Variants in TNIK observed in about 807,000 individuals in gnomAD.
TNIK encodes TRAF2 and NCK-interacting protein kinase.
A neutral mutation model predicts 191.3 loss-of-function variants in TNIK; 49 were observed. The observed-to-expected ratio is 0.26, with a 90% CI of 0.20 to 0.32. TNIK has a LOEUF of 0.32. TNIK is among the 10% of genes least tolerant of loss of function. The pLI is 1.00. For missense variants in TNIK, 1,155 were observed against 1,702.3 expected (o/e 0.68, Z 5.66); for synonymous variants, 594 against 600.9 (o/e 0.99, Z 0.17).
chr3:171,125,650 G>A (rs1284964750), intron 17 of TNIK, among the ~76,000 whole-genome samples: 3 of 152,154 alleles, frequency 2.0e-5, no homozygotes, highest in African/African-American at 7.2e-5. Flanking sequence ...GGAATACTTG[G>A]TGTTGAGAGT....
chr3:171,111,520 G>C (rs1725855566), intron 18 of TNIK, among the ~76,000 whole-genome samples: 1 of 152,208 alleles, frequency 6.6e-6, no homozygotes, highest in Non-Finnish European at 1.5e-5. Context: ...ATGAGTGTTG[G>C]TGAGGATGCA....
intron 15 of TNIK, among the ~76,000 whole-genome samples, chr3:171,133,089 T>C (rs7373499): frequency 0.13 from 19,251 of 152,228 alleles, 1,786 homozygotes; most frequent in African/African-American, 0.26. Flanking sequence ...AGTTTGAGGA[T>C]GCCCCTGCTC....
rs1717803056 is a variant in TNIK at position 171,061,272 on chromosome 3, C to T, written c.*2609G>A. 1 of 151,872 alleles carries T rather than the reference C, an allele frequency of 6.6e-6. No individual in the cohort carries two copies. The highest frequency in any genetic ancestry group is 6.6e-5 in the Admixed American group (1 of 15,242). 9.4% of individuals were successfully genotyped at this position (151,872 alleles called of 1,614,324 possible). A position where few individuals can be genotyped will look rare whatever the true frequency, so the allele number is the denominator to read the frequency against. ...TAAAGAGCACAGATTTCTGGGGGGCCCATTTAAATTTGGATTTGCCTTGTA... is the reference window on the plus strand; with the variant it reads ...TAAAGAGCACAGATTTCTGGGGGGCTCATTTAAATTTGGATTTGCCTTGTA... On this transcript the variant is annotated 3_prime_UTR_variant, in exon 33 of 33. Transcript: ENST00000436636.
chr3:171,066,951 G>C lies in TNIK; in HGVS notation c.3700-216C>G, dbSNP rs546590321. Among the ~76,000 whole-genome samples, 74 of 152,248 alleles carry C rather than the reference G, an allele frequency of 4.9e-4. 1 individual carries two copies. In the South Asian group the frequency reaches 6.6e-3, roughly 14 times the overall value. On this transcript the variant is annotated intron_variant, in intron 30 of 32. Transcript: ENST00000436636. ...TTCAATTTACCTGTTCCTAAAAAGAGCATGTAAATCTATGGCACACCTACT... is the reference window on the plus strand; with the variant it reads ...TTCAATTTACCTGTTCCTAAAAAGACCATGTAAATCTATGGCACACCTACT...
At chr3:171,428,395 C>T (rs919185383) in intron 1 of TNIK, among the ~76,000 whole-genome samples, 4 of 152,078 alleles carry the variant, frequency 2.6e-5, no homozygotes, top group Non-Finnish European at 5.9e-5. Flanking sequence ...AATGGAGCAG[C>T]TCTGTATTGA....
Position 171,079,533 on chromosome 3 carries a change from T to C in TNIK, c.3433A>G (p.Ile1145Val). The C allele has an allele frequency of 6.2e-7, 1 of 1,613,678 alleles. No homozygotes were observed. Among genetic ancestry groups the C allele is most frequent in the Non-Finnish European group, 8.5e-7 (1 of 1,179,734 alleles). The stretch of plus-strand genomic sequence containing the variant: ...TGAGACTTACCAACTTTATAATGTA[T>C]ACAGCCTTCCAAGTCCCCAACAGTG... ...WITVGDLEGC[I>V]HYKVVKYERI... The change falls in exon 28 of 33, where the codon ATA (isoleucine) becomes GTA (valine). Residue 1145 changes from isoleucine to valine, a missense_variant. Ile to Val is a conservative substitution (Grantham distance 29). Coordinates refer to ENST00000436636, the MANE Select transcript of TNIK (RefSeq NM_015028.4).
intron 7 of TNIK, among the ~76,000 whole-genome samples, chr3:171,183,044 C>T (rs564806473): frequency 6.6e-5 from 10 of 152,282 alleles, no homozygotes; most frequent in Admixed American, 2.0e-4. Context: ...ACAGATAGAC[C>T]CTTAGGACCA....
rs1421393810 is a variant in TNIK at position 171,266,209 on chromosome 3, G to A, written c.124-37988C>T. 9.2e-5 allele frequency among the ~76,000 whole-genome samples: 14 copies of A among 152,312 alleles called. No individual in the cohort carries two copies. The East Asian group carries it at 2.7e-3, about 29-fold the overall frequency. ...CACAGTTGAGATCATTGTTGACAAA[G>A]GACTGTGGACTTGAGTTTTAGAAAA... On this transcript the variant is annotated intron_variant, in intron 2 of 32. Coordinates refer to ENST00000436636, the MANE Select transcript of TNIK (RefSeq NM_015028.4).
At chr3:171,230,006 G>A (rs1743422146) in intron 2 of TNIK, among the ~76,000 whole-genome samples, 1 of 152,138 alleles carries the variant, frequency 6.6e-6, no homozygotes, top group Admixed American at 6.5e-5. Context: ...ACAAAACGTG[G>A]GGAGACTGGG....
chr3:171,137,870 C>T (rs1350433681), intron 15 of TNIK, among the ~76,000 whole-genome samples: 1 of 151,764 alleles, frequency 6.6e-6, no homozygotes, highest in Non-Finnish European at 1.5e-5. Flanking sequence ...CACTAAAAAT[C>T]CTCCATGCCA....
intron 4 of TNIK, among the ~76,000 whole-genome samples, chr3:171,210,782 T>C (rs1740707137): frequency 6.9e-6 from 1 of 145,546 alleles, no homozygotes; most frequent in African/African-American, 2.6e-5. Flanking sequence ...GCAAAATAAA[T>C]GATACAATTC....
intron 4 of TNIK, among the ~76,000 whole-genome samples, chr3:171,206,609 G>A (rs931580610): frequency 3.9e-5 from 6 of 152,104 alleles, no homozygotes; most frequent in African/African-American, 1.2e-4. Flanking sequence ...ACTTCCAGGG[G>A]GCTTTCACAG....
intron 2 of TNIK, among the ~76,000 whole-genome samples, chr3:171,325,363 C>T (rs1350484938): frequency 6.6e-6 from 1 of 152,020 alleles, no homozygotes; most frequent in Non-Finnish European, 1.5e-5. Context: ...ATCTGAGTAG[C>T]CTCCAAATAT....
chr3:171,431,697 A>G (rs1725413453), intron 1 of TNIK, among the ~76,000 whole-genome samples: 2 of 152,168 alleles, frequency 1.3e-5, no homozygotes, highest in Admixed American at 1.3e-4. Context: ...CAACAACCCT[A>G]TGAAATTGGT....
chr3:171,171,509 G>A (rs899914250), intron 9 of TNIK, among the ~76,000 whole-genome samples: 3 of 152,196 alleles, frequency 2.0e-5, no homozygotes, highest in Non-Finnish European at 2.9e-5. Context: ...AAGCATGAGT[G>A]GCTTGGACCA....
intron 2 of TNIK, among the ~76,000 whole-genome samples, chr3:171,338,884 G>A (rs1457621575): frequency 1.3e-5 from 2 of 152,106 alleles, no homozygotes; most frequent in Admixed American, 1.3e-4. Context: ...ATTTACAGGT[G>A]AGGAAACTGA....
chr3:171,069,100 G>A, intron 29 of TNIK, 103 bp from the exon 30 acceptor site: 1 of 1,384,122 alleles, frequency 7.2e-7, no homozygotes, highest in South Asian at 1.6e-5. Flanking sequence ...CTTTATTAAA[G>A]TGAAAAACTA....
At chr3:171,459,690 A>ACACACACACACG (rs1560100973) in intron 1 of TNIK, among the ~76,000 whole-genome samples, 5 of 151,780 alleles carry the variant, frequency 3.3e-5, no homozygotes, top group South Asian at 2.1e-4. Context: ...ACACACACAC[A>ACACACACACACG]CACACACACA....
rs117862901 is a variant in TNIK at position 171,146,531 on chromosome 3, G to A, written c.1222-6022C>T. ...CTTGGGGAAAGAATAAAATGGTTTGGAAACAGACTAGATTCTGGTCCTGCA... is the reference window on the plus strand; with the variant it reads ...CTTGGGGAAAGAATAAAATGGTTTGAAAACAGACTAGATTCTGGTCCTGCA... On this transcript the variant is annotated intron_variant, in intron 12 of 32. Transcript: ENST00000436636. 3.9e-4 allele frequency among the ~76,000 whole-genome samples: 60 copies of A among 152,218 alleles called. No individual in the cohort carries two copies. The East Asian group carries it at 0.011, about 29-fold the overall frequency.
Sources: allele counts gnomAD v4.1 joint callset (sites outside exome capture counted in the v4.1 genomes callset), GRCh38; gene constraint gnomAD v4.1.1; transcripts MANE v1.5; gene names NCBI Gene and HGNC (gene_info 2026-07-23, HGNC 2026-07-21).